The following DTNA variants were observed in gnomAD, a reference collection of about 807,000 sequenced individuals.
DTNA encodes dystrophin-related protein 3.
A neutral mutation model predicts 100.7 loss-of-function variants in DTNA; 43 were observed. The ratio of observed to expected loss-of-function variants is 0.43; its 90% CI spans 0.33 to 0.55. DTNA has a LOEUF of 0.55. Ranked by LOEUF, DTNA falls within the 20% of genes least tolerant of loss-of-function variation. The probability of loss-of-function intolerance (pLI) is 0.04; values close to 1 mark genes in which losing one functional copy is unlikely to be tolerated. For missense variants in DTNA, 798 were observed against 953.9 expected (o/e 0.84, Z 2.15); for synonymous variants, 349 against 347.9 (o/e 1.00, Z -0.04).
intron 1 of DTNA, among the ~76,000 whole-genome samples, chr18:34,536,109 A>G (rs1162628930): frequency 1.3e-5 from 2 of 152,022 alleles, no homozygotes; most frequent in Non-Finnish European, 2.9e-5. Flanking sequence ...TATTCTGACA[A>G]TGTTTTTATA....
At chr18:34,560,625 G>T (rs1436919453) in intron 1 of DTNA, among the ~76,000 whole-genome samples, 4 of 152,156 alleles carry the variant, frequency 2.6e-5, no homozygotes, top group African/African-American at 4.8e-5. Context: ...TGAATAAGAG[G>T]TTGGGCGCTA....
chr18:34,625,929 C>T (rs1338898846), intron 1 of DTNA, among the ~76,000 whole-genome samples: 2 of 152,124 alleles, frequency 1.3e-5, no homozygotes, highest in Admixed American at 6.5e-5. Flanking sequence ...TTTGGGGAAC[C>T]TTGGAAGAAC....
chr18:34,816,660 TGTTCC>T (rs1379897563), intron 7 of DTNA, among the ~76,000 whole-genome samples: 1 of 152,206 alleles, frequency 6.6e-6, no homozygotes, highest in Non-Finnish European at 1.5e-5. Context: ...AATCTTTAGG[TGTTCC>T]TACTTATTGT....
chr18:34,879,834 T>G (rs546740003), intron 20 of DTNA, 115 bp downstream of exon 20: 1 of 1,322,472 alleles, frequency 7.6e-7, no homozygotes, highest in African/African-American at 1.5e-5. Context: ...AGGGGTGACA[T>G]AGTTTTCTGT....
intron 1 of DTNA, among the ~76,000 whole-genome samples, chr18:34,745,185 A>T (rs1231031744): frequency 6.6e-6 from 1 of 151,586 alleles, no homozygotes; most frequent in East Asian, 1.9e-4. Flanking sequence ...CCTATTGCAG[A>T]AAACAATATA....
chr18:34,764,684 C>A (rs534624241), intron 2 of DTNA, among the ~76,000 whole-genome samples: 1 of 152,344 alleles, frequency 6.6e-6, no homozygotes, highest in South Asian at 2.1e-4. Context: ...GGGACACTTG[C>A]TAATTCATGC....
At chr18:34,655,786 T>G (rs1181327563) in intron 1 of DTNA, among the ~76,000 whole-genome samples, 1 of 152,238 alleles carries the variant, frequency 6.6e-6, no homozygotes, top group Non-Finnish European at 1.5e-5. Context: ...ATAAAACTCT[T>G]ACTTTGTTAG....
At chr18:34,651,837 G>A (rs2060479292) in intron 1 of DTNA, among the ~76,000 whole-genome samples, 1 of 152,098 alleles carries the variant, frequency 6.6e-6, no homozygotes, top group African/African-American at 2.4e-5. Flanking sequence ...GCCGAGGTGG[G>A]AAGATTGCTT....
At chr18:34,555,296 A>G (rs1030203429) in intron 1 of DTNA, among the ~76,000 whole-genome samples, 2 of 147,856 alleles carry the variant, frequency 1.4e-5, no homozygotes, top group Non-Finnish European at 3.0e-5. Context: ...CTAGCGGTCT[A>G]TCAGTTTTGT....
At chr18:34,499,973 G>T (rs2039716231) in intron 1 of DTNA, among the ~76,000 whole-genome samples, 1 of 152,028 alleles carries the variant, frequency 6.6e-6, no homozygotes, top group African/African-American at 2.4e-5. Flanking sequence ...AATAACTATT[G>T]AACTCATAAT....
At chr18:34,584,346 A>G (rs1375352851) in intron 1 of DTNA, among the ~76,000 whole-genome samples, 1 of 152,234 alleles carries the variant, frequency 6.6e-6, no homozygotes, top group Non-Finnish European at 1.5e-5. Context: ...GACTCTGGAG[A>G]GAACAGAAAG....
intron 9 of DTNA, chr18:34,821,224 C>A (rs974243727): frequency 3.9e-6 from 2 of 511,770 alleles, no homozygotes; most frequent in Non-Finnish European, 7.4e-6. Context: ...AATGGGATCA[C>A]TGTGGTAAAA....
At chr18:34,819,998 G>A (rs911847015) in intron 8 of DTNA, among the ~76,000 whole-genome samples, 6 of 143,006 alleles carry the variant, frequency 4.2e-5, no homozygotes, top group Non-Finnish European at 9.1e-5. Flanking sequence ...ACTTTCAAAT[G>A]GCAAAAACCG....
intron 7 of DTNA, 85 bp from the exon 8 acceptor site, chr18:34,818,079 G>A: frequency 1.2e-6 from 2 of 1,610,002 alleles, no homozygotes; most frequent in East Asian, 2.2e-5. Context: ...GAGAAGAAAG[G>A]TGCAATTCCT....
In DTNA at chr18:34,632,515, G is replaced by A. The variant is rs116409987; in HGVS notation, c.-1-123461G>A. Among the ~76,000 whole-genome samples, 930 of 152,272 alleles carry A rather than the reference G, an allele frequency of 6.1e-3. 10 individuals carry two copies. The highest frequency in any genetic ancestry group is 0.021 in the African/African-American group (873 of 41,562). ...CCTCTGCAGAAAATGCCAGAACACA[G>A]CTTGAACTCTTGTCCCCTGTCAGGG... On this transcript the variant is annotated intron_variant, in intron 1 of 19. Transcript: ENST00000283365.
intron 1 of DTNA, chr18:34,494,029 T>C (rs1481619023): frequency 2.0e-5 from 3 of 150,020 alleles, no homozygotes; most frequent in Non-Finnish European, 4.5e-5. Context: ...CAGGTAAATC[T>C]CCCCCGCCCT....
chr18:34,499,897 A>C (rs2039702419), intron 1 of DTNA, among the ~76,000 whole-genome samples: 1 of 152,108 alleles, frequency 6.6e-6, no homozygotes, highest in Non-Finnish European at 1.5e-5. Flanking sequence ...TGCATTGGGA[A>C]TATTTGTTTG....
chr18:34,500,032 A>G (rs1056762567), intron 1 of DTNA, among the ~76,000 whole-genome samples: 1 of 152,154 alleles, frequency 6.6e-6, no homozygotes, highest in Non-Finnish European at 1.5e-5. Flanking sequence ...TGTTTTAGCT[A>G]TTCTAATTCC....
chr18:34,563,841 G>T (rs893425785), intron 1 of DTNA, among the ~76,000 whole-genome samples: 6 of 152,086 alleles, frequency 3.9e-5, no homozygotes, highest in African/African-American at 1.4e-4. Flanking sequence ...ATAAATTATG[G>T]TTATGTTTCT....
Sources: gnomAD v4.1 joint callset for allele counts (sites outside exome capture counted in the v4.1 genomes callset) on GRCh38, gnomAD v4.1.1 for gene constraint, MANE v1.5 for transcripts, NCBI Gene and HGNC (gene_info 2026-07-23, HGNC 2026-07-21) for gene names.